LIMS1: variants seen among roughly 807,000 people sequenced by gnomAD.
LIMS1 encodes LIM and senescent cell antigen-like-containing domain protein 1.
In LIMS1, 18 loss-of-function variants were observed where a neutral mutation model predicts 44.1. The ratio of observed to expected loss-of-function variants is 0.41; its 90% confidence interval spans 0.28 to 0.61. The LOEUF is 0.61. Ranked by LOEUF, LIMS1 falls within the 20% of genes least tolerant of loss-of-function variation. LIMS1 has a pLI of 0.32. For synonymous variants in LIMS1, 93 were observed against 149.1 expected, an observed-to-expected ratio of 0.62 and a Z score of 2.74; for missense variants, 201 against 422.0, an observed-to-expected ratio of 0.48 and a Z score of 4.59.
chr2:108,622,169 A>G (rs1298058208), intron 1 of LIMS1, among the ~76,000 whole-genome samples: 2 of 152,162 alleles, frequency 1.3e-5, no homozygotes, highest in East Asian at 3.8e-4. Flanking sequence ...TTCCTGTTTT[A>G]CTGATGACAG....
intron 1 of LIMS1, among the ~76,000 whole-genome samples, chr2:108,585,476 G>A (rs769506906): frequency 1.3e-5 from 2 of 152,136 alleles, no homozygotes; most frequent in South Asian, 2.1e-4. Flanking sequence ...TGCCTGTGAC[G>A]ATATCTGTAT....
rs1685575529 is a variant in LIMS1, at chr2:108,573,873, GA to G, written c.32+39281del. Among the ~76,000 whole-genome samples the G allele has an allele frequency of 2.0e-5, 3 of 152,324 alleles. No individual in the cohort carries two copies. In the South Asian group the frequency reaches 6.2e-4, roughly 32 times the overall value. ...TGGGCCAAGATCAGGCTGAGGAAGA[GA>G]AGACTTGGAGCAGCAGAGGTGAGGT... On this transcript the variant is annotated intron_variant, in intron 1 of 9. Transcript: ENST00000544547.
At chr2:108,591,795 T>A (rs1686413448) in intron 1 of LIMS1, among the ~76,000 whole-genome samples, 1 of 92,740 alleles carries the variant, frequency 1.1e-5, no homozygotes, top group African/African-American at 3.7e-5. Flanking sequence ...TTTAGTTTTT[T>A]TTTTTGTTTT....
At chr2:108,661,546 G>A (rs1691370517) in intron 2 of LIMS1, among the ~76,000 whole-genome samples, 1 of 152,078 alleles carries the variant, frequency 6.6e-6, no homozygotes, top group African/African-American at 2.4e-5. Flanking sequence ...CAGGAGAGGA[G>A]CTCCAGAGGT....
chr2:108,619,592 G>A (rs1688125970), intron 1 of LIMS1, among the ~76,000 whole-genome samples: 2 of 152,102 alleles, frequency 1.3e-5, no homozygotes, highest in African/African-American at 2.4e-5. Context: ...GCTGAGGCAC[G>A]AGAATCACTT....
intron 1 of LIMS1, among the ~76,000 whole-genome samples, chr2:108,590,605 G>A (rs1016095247): frequency 2.6e-5 from 4 of 152,190 alleles, no homozygotes; most frequent in African/African-American, 9.7e-5. Flanking sequence ...TCTAAGAGAC[G>A]GCACCATGGA....
At chr2:108,671,901 C>T (rs1692185041) in intron 3 of LIMS1, among the ~76,000 whole-genome samples, 1 of 152,146 alleles carries the variant, frequency 6.6e-6, no homozygotes, top group Non-Finnish European at 1.5e-5. Context: ...TTCTACTGGC[C>T]ACGTGTGGTG....
At chr2:108,632,720 A>G (rs143463253) in intron 1 of LIMS1, among the ~76,000 whole-genome samples, 16 of 152,350 alleles carry the variant, frequency 1.1e-4, no homozygotes, top group African/African-American at 3.1e-4. Flanking sequence ...CACTTCAGCA[A>G]CTTCTACAGA....
At chr2:108,621,570 A>G (rs989687176) in intron 1 of LIMS1, 2 of 776,244 alleles carry the variant, frequency 2.6e-6, no homozygotes, top group Non-Finnish European at 4.4e-6. Context: ...ATTGAAAAGT[A>G]GCCTCTTAGT....
At chr2:108,612,009 TA>T (rs1687667899) in intron 1 of LIMS1, among the ~76,000 whole-genome samples, 2 of 132,426 alleles carry the variant, frequency 1.5e-5, no homozygotes, top group African/African-American at 6.0e-5. Flanking sequence ...TATACACACA[TA>T]TATATATACA....
chr2:108,664,619 C>A (rs776002868), intron 2 of LIMS1, among the ~76,000 whole-genome samples: 27 of 152,148 alleles, frequency 1.8e-4, no homozygotes, highest in Non-Finnish European at 1.6e-4. Flanking sequence ...ATTTATGATT[C>A]TTGATTTTTA....
At chr2:108,577,497 G>A (rs532050561) in intron 1 of LIMS1, among the ~76,000 whole-genome samples, 1 of 152,302 alleles carries the variant, frequency 6.6e-6, no homozygotes, top group Admixed American at 6.5e-5. Flanking sequence ...TAGTCATTGG[G>A]TAAATATTCA....
intron 1 of LIMS1, among the ~76,000 whole-genome samples, chr2:108,542,765 A>G (rs1329263077): frequency 6.6e-6 from 1 of 152,182 alleles, no homozygotes; most frequent in African/African-American, 2.4e-5. Context: ...TTACAACTCA[A>G]GTCCCAGCTT....
intron 2 of LIMS1, among the ~76,000 whole-genome samples, chr2:108,666,133 G>A (rs1691742754): frequency 6.6e-6 from 1 of 152,156 alleles, no homozygotes. Context: ...CACAGACTGA[G>A]GGGCAGCCCC....
At chr2:108,545,591 C>G (rs572046468) in intron 1 of LIMS1, among the ~76,000 whole-genome samples, 14 of 152,230 alleles carry the variant, frequency 9.2e-5, no homozygotes, top group African/African-American at 3.1e-4. Flanking sequence ...TCTAAAAAAG[C>G]AGTTCTCAGT....
chr2:108,670,394 A>G (rs1363139105), intron 2 of LIMS1, among the ~76,000 whole-genome samples: 6 of 151,410 alleles, frequency 4.0e-5, no homozygotes, highest in African/African-American at 9.7e-5. Context: ...AGAATTACAG[A>G]TATCGACCTG....
intron 1 of LIMS1, chr2:108,588,172 A>AG: frequency 5.1e-6 from 1 of 195,716 alleles, no homozygotes; most frequent in Non-Finnish European, 9.3e-6. Context: ...ACAACTTAGC[A>AG]GGATATGAGT....
At chr2:108,649,918 TAACA>T (rs1211411518) in intron 1 of LIMS1, among the ~76,000 whole-genome samples, 2 of 152,214 alleles carry the variant, frequency 1.3e-5, no homozygotes, top group African/African-American at 4.8e-5. Flanking sequence ...TATACCTATG[TAACA>T]AACCTGCACG....
intron 9 of LIMS1, among the ~76,000 whole-genome samples, chr2:108,682,022 T>C (rs1573634368): frequency 6.9e-6 from 1 of 144,698 alleles, no homozygotes; most frequent in Admixed American, 6.8e-5. Context: ...TATGAATTCA[T>C]TTCCTCAATG....
Sources: gnomAD v4.1 joint callset for allele counts (sites outside exome capture counted in the v4.1 genomes callset) on GRCh38, gnomAD v4.1.1 for gene constraint, MANE v1.5 for transcripts, NCBI Gene and HGNC (gene_info 2026-07-23, HGNC 2026-07-21) for gene names.